The following CHD2 variants were observed in gnomAD, a reference collection of about 807,000 sequenced individuals.
CHD2 encodes the protein chromodomain helicase DNA binding protein 2, also known as ATP-dependent chromatin remodeler CHD2.
CHD2 carries 28 observed loss-of-function variants against 243.9 expected under a neutral mutation model. The ratio of observed to expected loss-of-function variants is 0.11; its 90% confidence interval spans 0.09 to 0.16. The LOEUF (loss-of-function observed/expected upper bound fraction) is 0.16. Among genes scored for constraint, CHD2 ranks in the 10% least tolerant of loss-of-function variants. The pLI, the probability that CHD2 is intolerant of heterozygous loss-of-function variation, is 1.00. For synonymous variants in CHD2, 775 were observed against 779.0 expected (o/e 0.99, Z 0.09); for missense variants, 1,386 against 2,209.8 (o/e 0.63, Z 7.47).
chr15:92,997,593 A>G lies in CHD2; in HGVS notation c.3885+190A>G, dbSNP rs1005832653. The G allele has an allele frequency of 2.2e-6, 1 of 463,442 alleles. No homozygotes were observed. Among genetic ancestry groups the G allele is most frequent in the African/African-American group, 2.0e-5 (1 of 49,254 alleles). The allele number at this position is 463,442 out of a possible 1,614,324, so 28.7% of individuals were successfully genotyped here. Reference sequence around the variant, plus strand: ...GATGAAGATAAAGGGAAAAGACAGTAGCCAGGTGAAATTTTGGGGAAACTG... The same window carrying G: ...GATGAAGATAAAGGGAAAAGACAGTGGCCAGGTGAAATTTTGGGGAAACTG... On this transcript the variant is annotated intron_variant, in intron 30 of 38. Coordinates refer to ENST00000394196, the MANE Select transcript of CHD2 (RefSeq NM_001271.4). The surrounding 1 kb of genome is among the most constrained non-coding windows in gnomAD (Gnocchi z 4.1).
At chr15:92,946,334 AAAG>A (rs1272795570) in intron 12 of CHD2, 118 bp downstream of exon 12, 4 of 760,432 alleles carry the variant, frequency 5.3e-6, no homozygotes, top group East Asian at 5.7e-5. Context: ...TTTTGAAGTG[AAAG>A]AAGGTGATTT....
At chr15:92,988,239 C>T (rs1420974313) in intron 26 of CHD2, among the ~76,000 whole-genome samples, 3 of 152,012 alleles carry the variant, frequency 2.0e-5, no homozygotes, top group East Asian at 3.9e-4. Flanking sequence ...CCTGCCACCA[C>T]GCTGGCTAAT....
chr15:92,994,313 G>A (rs372323689), intron 28 of CHD2, among the ~76,000 whole-genome samples: 6 of 152,246 alleles, frequency 3.9e-5, no homozygotes, highest in South Asian at 2.1e-4. Flanking sequence ...TAGCAATGGC[G>A]TCTGGCTTGC....
At chr15:93,000,757 G>A (rs1234653778) in intron 32 of CHD2, 117 bp downstream of exon 32, 2 of 1,121,840 alleles carry the variant, frequency 1.8e-6, no homozygotes, top group Non-Finnish European at 2.5e-6. Flanking sequence ...AATGGAAATA[G>A]AATATGTAAG....
intron 9 of CHD2, 150 bp downstream of exon 9, chr15:92,943,218 A>G: frequency 1.6e-6 from 1 of 645,146 alleles, no homozygotes; most frequent in Admixed American, 2.9e-5. Flanking sequence ...CTATTTTATA[A>G]GATTGTGACC....
intron 7 of CHD2, 56 bp from the exon 8 acceptor site, chr15:92,941,766 G>A: frequency 4.5e-6 from 7 of 1,544,912 alleles, no homozygotes; most frequent in Non-Finnish European, 6.2e-6. Flanking sequence ...GTTATGTGTG[G>A]CAGTTTAATT....
chr15:92,951,480 T>G (rs1463225079), intron 13 of CHD2, among the ~76,000 whole-genome samples: 1 of 152,170 alleles, frequency 6.6e-6, no homozygotes, highest in Non-Finnish European at 1.5e-5. Flanking sequence ...CAGCATTTTT[T>G]TACTTTAAAC....
Position 93,024,691 on chromosome 15 carries a change from G to A in CHD2, c.5473G>A (p.Val1825Ile), listed in dbSNP as rs2054571935. 1 of 1,610,386 alleles carries A rather than the reference G, an allele frequency of 6.2e-7. No individual in the cohort carries two copies. Among genetic ancestry groups the A allele is most frequent in the Non-Finnish European group, 8.5e-7 (1 of 1,177,890 alleles). ...AAACAACCCAGATTATAACTGGAAT[G>A]TTCGGAAAACATAAAGGACAGCTCG... Reference protein sequence around the residue: ...QKNNPDYNWNVRKT With the variant: ...QKNNPDYNWNIRKT Residue 1825 changes from valine to isoleucine, a missense_variant, in exon 39 of 39, where the codon GTT becomes ATT. By Grantham distance (29) the Val-to-Ile change is conservative. Transcript: ENST00000394196.
Position 92,985,495 on chromosome 15 carries a change from C to T in CHD2, c.3238-3C>T, listed in dbSNP as rs1596437905. On this transcript the variant is annotated splice_polypyrimidine_tract_variant and splice_region_variant and intron_variant, in intron 25 of 38. Transcript: ENST00000394196. ...AGTGTGACTTTGCCTCGATCTTTCT[C>T]AGGCTCAGACAAATGACAGTGACTC... 2 of 1,606,648 alleles carry T rather than the reference C, an allele frequency of 1.2e-6. No homozygotes were observed. The highest frequency in any genetic ancestry group is 2.7e-5 in the African/African-American group (2 of 74,692).
intron 2 of CHD2, chr15:92,901,694 T>C (rs1426056835): frequency 2.9e-6 from 1 of 341,324 alleles, no homozygotes; most frequent in African/African-American, 2.1e-5. Context: ...CTTTGAAGAA[T>C]CCAGGATATC....
chr15:92,902,582 TAA>T (rs1420057674), intron 2 of CHD2: 10 of 158,414 alleles, frequency 6.3e-5, no homozygotes, highest in Admixed American at 1.3e-4. Flanking sequence ...CTTTAGAAAA[TAA>T]GTTACCAAAT....
rs1185218446 is a variant in CHD2 at position 92,904,822 on chromosome 15, C to A, written c.62+3523C>A. 67 of 1,501,460 alleles carry A rather than the reference C, an allele frequency of 4.5e-5. No individual in the cohort carries two copies. The South Asian group carries it at 5.0e-4, about 11-fold the overall frequency. 93.0% of individuals were successfully genotyped at this position (1,501,460 alleles called of 1,614,324 possible). A position where few individuals can be genotyped will look rare whatever the true frequency, so the allele number is the denominator to read the frequency against. On this transcript the variant is annotated intron_variant, in intron 2 of 38. Transcript: ENST00000394196. ...GAGATGAGTGGGTTTAATTTTGTTA[C>A]AATTGACCAAAACGTTTGAGTGTCA...
intron 5 of CHD2, among the ~76,000 whole-genome samples, chr15:92,936,433 A>G (rs939210920): frequency 3.3e-5 from 5 of 152,204 alleles, no homozygotes; most frequent in East Asian, 3.8e-4. Context: ...CAGCTATTAC[A>G]TGTTTCTTCC....
At chr15:92,944,619 C>A in intron 10 of CHD2, 104 bp downstream of exon 10, 1 of 506,496 alleles carries the variant, frequency 2.0e-6, no homozygotes, top group Non-Finnish European at 3.5e-6. Context: ...GGAGACTAGA[C>A]ACGTGCTAGG....
chr15:93,000,660 T>C lies in CHD2; in HGVS notation c.4137+20T>C, dbSNP rs1430504849. ...GTGAAAGTATGAAGTGGGGTTTCGGTTGAGGGTTATTTATTTATTTTAGCT... is the reference window on the plus strand; with the variant it reads ...GTGAAAGTATGAAGTGGGGTTTCGGCTGAGGGTTATTTATTTATTTTAGCT... On this transcript the variant is annotated intron_variant, in intron 32 of 38. Coordinates refer to ENST00000394196, the MANE Select transcript of CHD2 (RefSeq NM_001271.4). 6.3e-7 allele frequency: 1 copy of C among 1,600,000 alleles called. No individual in the cohort carries two copies. Among genetic ancestry groups the C allele is most frequent in the Non-Finnish European group, 8.5e-7 (1 of 1,174,038 alleles).
chr15:92,956,794 A>G lies in CHD2; in HGVS notation c.2000+145A>G, dbSNP rs183669510. On this transcript the variant is annotated intron_variant, in intron 16 of 38. Coordinates refer to ENST00000394196, the MANE Select transcript of CHD2 (RefSeq NM_001271.4). Reference sequence around the variant, plus strand: ...AAATGGAGGCAGGGATGGCGGTAGTAAAATGTTTCATAATCAATGAAAGAA... The same window carrying G: ...AAATGGAGGCAGGGATGGCGGTAGTGAAATGTTTCATAATCAATGAAAGAA... 101 of 707,390 alleles carry G rather than the reference A, an allele frequency of 1.4e-4. No individual in the cohort carries two copies. The African/African-American group carries it at 1.6e-3, about 11-fold the overall frequency. 43.8% of individuals were successfully genotyped at this position (707,390 alleles called of 1,614,324 possible).
At chr15:92,944,169 ACAT>A in intron 9 of CHD2, 1 of 275,174 alleles carries the variant, frequency 3.6e-6, no homozygotes, top group African/African-American at 2.1e-5. Flanking sequence ...TAGACAGGAC[ACAT>A]CAGAGGCAGG....
intron 38 of CHD2, among the ~76,000 whole-genome samples, chr15:93,023,934 A>G (rs1447332914): frequency 6.6e-6 from 1 of 152,028 alleles, no homozygotes; most frequent in African/African-American, 2.4e-5. Flanking sequence ...CAAGCTAAAA[A>G]TTTTAATACT....
intron 2 of CHD2, among the ~76,000 whole-genome samples, chr15:92,910,182 A>AT (rs2052705594): frequency 6.6e-6 from 1 of 151,518 alleles, no homozygotes; most frequent in African/African-American, 2.4e-5. Context: ...AATTTTTTGA[A>AT]TTTTTTGTAG....
Sources: gnomAD v4.1 joint callset for allele counts (sites outside exome capture counted in the v4.1 genomes callset) on GRCh38, gnomAD v4.1.1 for gene constraint, Gnocchi (gnomAD v3.1) non-coding constraint, MANE v1.5 for transcripts, NCBI Gene and HGNC (gene_info 2026-07-23, HGNC 2026-07-21) for gene names.